The following DDAH1 variants were observed in gnomAD, a reference collection of about 807,000 sequenced individuals.
DDAH1 encodes the protein dimethylarginine dimethylaminohydrolase 1, also known as N(G),N(G)-dimethylarginine dimethylaminohydrolase 1.
In DDAH1, 19 loss-of-function variants were observed where a neutral mutation model predicts 28.8. The observed-to-expected ratio is 0.66, with a 90% CI of 0.46 to 0.97. The LOEUF (loss-of-function observed/expected upper bound fraction) is 0.97. DDAH1 is among the 50% of genes least tolerant of loss of function. The pLI is 0.00. For synonymous variants in DDAH1, 153 were observed against 154.4 expected (o/e 0.99, Z 0.07); for missense variants, 326 against 375.9 (o/e 0.87, Z 1.10).
At chr1:85,342,248 A>C (rs1189603250) in intron 4 of DDAH1, among the ~76,000 whole-genome samples, 1 of 152,204 alleles carries the variant, frequency 6.6e-6, no homozygotes, top group Non-Finnish European at 1.5e-5. Context: ...CTTCTTTAGT[A>C]GAATCAACAT....
At chr1:85,351,060 GT>G (rs35352719) in intron 3 of DDAH1, among the ~76,000 whole-genome samples, 1,526 of 137,118 alleles carry the variant, frequency 0.011, 17 homozygotes, top group African/African-American at 0.028. Flanking sequence ...GGGTTTCCAA[GT>G]TTTTTTTTTT....
intron 1 of DDAH1, among the ~76,000 whole-genome samples, chr1:85,382,987 G>C (rs1445432612): frequency 6.6e-6 from 1 of 152,202 alleles, no homozygotes; most frequent in Non-Finnish European, 1.5e-5. Context: ...AGTTCTGATA[G>C]AAATGCTCAA....
intron 1 of DDAH1, among the ~76,000 whole-genome samples, chr1:85,365,690 C>T (rs1277974634): frequency 1.4e-5 from 2 of 140,006 alleles, no homozygotes; most frequent in Non-Finnish European, 3.2e-5. Flanking sequence ...GTTTCTACCA[C>T]ACTAGGAAGT....
At chr1:85,495,779 C>T (rs1656565762) in intron 2 of DDAH1, 1 of 152,244 alleles carries the variant, frequency 6.6e-6, no homozygotes, top group South Asian at 2.1e-4. Context: ...CACTCCCAGC[C>T]ACAGCTGCTA....
chr1:85,346,688 A>G (rs957181818), intron 4 of DDAH1, among the ~76,000 whole-genome samples: 1 of 152,138 alleles, frequency 6.6e-6, no homozygotes, highest in Non-Finnish European at 1.5e-5. Flanking sequence ...GTCTCTATTC[A>G]TCTGTCTTCC....
intron 4 of DDAH1, among the ~76,000 whole-genome samples, chr1:85,337,156 C>T (rs1648186400): frequency 6.6e-6 from 1 of 152,180 alleles, no homozygotes. Context: ...TTAAAATCCT[C>T]ATTCTTGTTT....
chr1:85,572,292 G>A (rs1659482997), intron 1 of DDAH1, among the ~76,000 whole-genome samples: 1 of 152,086 alleles, frequency 6.6e-6, no homozygotes, highest in African/African-American at 2.4e-5. Flanking sequence ...ACAAGCTAAA[G>A]ACACATTTAG....
intron 2 of DDAH1, among the ~76,000 whole-genome samples, chr1:85,351,843 GA>G (rs1649230763): frequency 1.3e-5 from 2 of 152,192 alleles, no homozygotes; most frequent in Non-Finnish European, 2.9e-5. Context: ...TAATGGATAG[GA>G]AGTTTCAGTT....
At chr1:85,500,549 T>C (rs1333459071) in intron 1 of DDAH1, among the ~76,000 whole-genome samples, 1 of 152,124 alleles carries the variant, frequency 6.6e-6, no homozygotes, top group African/African-American at 2.4e-5. Flanking sequence ...GTGGTTTTCT[T>C]TGTTTTTTAT....
At chr1:85,434,364 T>G (rs1653836565) in intron 1 of DDAH1, among the ~76,000 whole-genome samples, 2 of 152,216 alleles carry the variant, frequency 1.3e-5, no homozygotes, top group Middle Eastern at 6.8e-3. Flanking sequence ...AATTTTTATG[T>G]CTATTCTTAC....
chr1:85,577,177 C>T lies in DDAH1; in HGVS notation c.-123+807G>A, dbSNP rs554030725. Among the ~76,000 whole-genome samples, 108 of 152,198 alleles carry T rather than the reference C, an allele frequency of 7.1e-4. 1 individual carries two copies. Among genetic ancestry groups the T allele is most frequent in the African/African-American group, 2.5e-3 (105 of 41,550 alleles). On this transcript the variant is annotated intron_variant, in intron 1 of 6. Coordinates refer to the DDAH1 transcript ENST00000426972. Reference sequence around the variant, plus strand: ...AGGCGCGTCCGGATGCCTCGCGTCCCGCACCCTCTCGCGGTGCGGACCCTC... The same window carrying T: ...AGGCGCGTCCGGATGCCTCGCGTCCTGCACCCTCTCGCGGTGCGGACCCTC...
intron 1 of DDAH1, among the ~76,000 whole-genome samples, chr1:85,414,910 A>C (rs1652820439): frequency 6.6e-6 from 1 of 151,790 alleles, no homozygotes; most frequent in Non-Finnish European, 1.5e-5. Context: ...GAAAACCACA[A>C]TGGTTTTGTT....
intron 1 of DDAH1, among the ~76,000 whole-genome samples, chr1:85,505,455 A>G (rs1401529276): frequency 6.6e-6 from 1 of 152,158 alleles, no homozygotes; most frequent in Non-Finnish European, 1.5e-5. Context: ...TAAGAGGGAA[A>G]AAGTATTTCA....
In DDAH1 at chr1:85,533,543, G is replaced by A. The variant is rs547026453; in HGVS notation, c.-122-37262C>T. On this transcript the variant is annotated intron_variant, in intron 1 of 6. Coordinates refer to the DDAH1 transcript ENST00000426972. ...CAAGTACAGATGGATTTTCAAGGAGGTAAAAGAGATGAAAACAGAAGGTAA... is the reference window on the plus strand; with the variant it reads ...CAAGTACAGATGGATTTTCAAGGAGATAAAAGAGATGAAAACAGAAGGTAA... Among the ~76,000 whole-genome samples, 20 of 152,180 alleles carry A rather than the reference G, an allele frequency of 1.3e-4. No homozygotes were observed. The East Asian group carries it at 3.9e-3, about 29-fold the overall frequency.
intron 4 of DDAH1, among the ~76,000 whole-genome samples, chr1:85,341,765 A>G (rs1648499662): frequency 6.6e-6 from 1 of 152,164 alleles, no homozygotes; most frequent in Admixed American, 6.5e-5. Flanking sequence ...GAGAGCCGAG[A>G]TCACGCCACT....
chr1:85,475,023 G>A (rs539847038), intron 2 of DDAH1, among the ~76,000 whole-genome samples: 2 of 152,096 alleles, frequency 1.3e-5, no homozygotes, highest in Admixed American at 1.3e-4. Context: ...TAGTTATTAT[G>A]AGGACTAAAT....
At chr1:85,353,638 TAGTC>T (rs1210340566) in intron 2 of DDAH1, among the ~76,000 whole-genome samples, 10 of 152,162 alleles carry the variant, frequency 6.6e-5, no homozygotes, top group East Asian at 5.8e-4. Flanking sequence ...CTTTATTAAA[TAGTC>T]AGCTACAATG....
intron 4 of DDAH1, among the ~76,000 whole-genome samples, chr1:85,325,144 C>T (rs562053531): frequency 1.1e-4 from 16 of 152,098 alleles, no homozygotes; most frequent in Admixed American, 3.3e-4. Flanking sequence ...GTTTTAAAAC[C>T]GTCTATTATT....
chr1:85,550,161 GT>G (rs1351183928), intron 1 of DDAH1, among the ~76,000 whole-genome samples: 2 of 152,112 alleles, frequency 1.3e-5, no homozygotes, highest in Admixed American at 6.6e-5. Context: ...AACTACCACT[GT>G]TTCCTAACTC....
Sources: gnomAD v4.1 joint callset for allele counts (sites outside exome capture counted in the v4.1 genomes callset) on GRCh38, gnomAD v4.1.1 for gene constraint, MANE v1.5 for transcripts, NCBI Gene and HGNC (gene_info 2026-07-23, HGNC 2026-07-21) for gene names.